The following BBS9 variants were observed in gnomAD, a reference collection of about 807,000 sequenced individuals.
BBS9 encodes the protein Bardet-Biedl syndrome 9.
In BBS9, 89 loss-of-function variants were observed where a neutral mutation model predicts 117.7. The ratio of observed to expected loss-of-function variants is 0.76; its 90% confidence interval spans 0.64 to 0.90. BBS9 has a LOEUF of 0.90. BBS9 is among the 40% of genes least tolerant of loss of function. BBS9 has a pLI of 0.00. For missense variants in BBS9, 982 were observed against 1,042.2 expected, an observed-to-expected ratio of 0.94 and a Z score of 0.80; for synonymous variants, 379 against 370.9, an observed-to-expected ratio of 1.02 and a Z score of -0.25.
At chr7:33,280,276 G>A (rs902635437) in intron 9 of BBS9, among the ~76,000 whole-genome samples, 2 of 152,042 alleles carry the variant, frequency 1.3e-5, no homozygotes, top group Non-Finnish European at 1.5e-5. Context: ...TCTGTCACCC[G>A]GGTAGTCAGC....
At chr7:33,137,561 A>AT (rs1233423975) in intron 1 of BBS9, among the ~76,000 whole-genome samples, 5 of 151,960 alleles carry the variant, frequency 3.3e-5, no homozygotes, top group South Asian at 4.2e-4. Flanking sequence ...AAATCCACCC[A>AT]TTTTTTTATC....
At chr7:33,265,511 TCA>T (rs1322337887) in intron 7 of BBS9, among the ~76,000 whole-genome samples, 1 of 152,174 alleles carries the variant, frequency 6.6e-6, no homozygotes, top group Non-Finnish European at 1.5e-5. Context: ...TTACTAAATC[TCA>T]GTTTCCTCAT....
intron 17 of BBS9, among the ~76,000 whole-genome samples, chr7:33,374,912 A>AC (rs1256512424): frequency 2.0e-5 from 3 of 151,854 alleles, no homozygotes; most frequent in African/African-American, 7.3e-5. Flanking sequence ...AAAAAAAAAA[A>AC]AAAAAAAAAA....
At chr7:33,547,815 A>G (rs982196859) in intron 21 of BBS9, among the ~76,000 whole-genome samples, 3 of 152,324 alleles carry the variant, frequency 2.0e-5, no homozygotes, top group Admixed American at 1.3e-4. Context: ...AAGTCAAGCT[A>G]TAGTTTATAA....
chr7:33,598,293 CA>C (rs1233652249), intron 21 of BBS9, among the ~76,000 whole-genome samples: 1 of 151,134 alleles, frequency 6.6e-6, no homozygotes, highest in Non-Finnish European at 1.5e-5. Flanking sequence ...GGACATCAGA[CA>C]AATTCCAATA....
intron 1 of BBS9, among the ~76,000 whole-genome samples, chr7:33,142,842 G>T (rs1791713821): frequency 6.6e-6 from 1 of 152,136 alleles, no homozygotes; most frequent in Non-Finnish European, 1.5e-5. Flanking sequence ...TGTTTAGGTT[G>T]GTTCTGCCTC....
chr7:33,473,439 T>G (rs1841369518), intron 19 of BBS9, among the ~76,000 whole-genome samples: 1 of 151,400 alleles, frequency 6.6e-6, no homozygotes, highest in African/African-American at 2.4e-5. Flanking sequence ...TTCTCCTGCC[T>G]CAGCCTCCCA....
chr7:33,240,690 T>A (rs1216565479), intron 5 of BBS9, among the ~76,000 whole-genome samples: 2 of 152,236 alleles, frequency 1.3e-5, no homozygotes, highest in Non-Finnish European at 2.9e-5. Flanking sequence ...TATAAATTAT[T>A]GTAATGCATA....
chr7:33,387,773 T>C (rs1367489852), intron 18 of BBS9, among the ~76,000 whole-genome samples: 2 of 152,248 alleles, frequency 1.3e-5, no homozygotes, highest in African/African-American at 4.8e-5. Flanking sequence ...CCAGTGATAC[T>C]GGTTAACTTT....
intron 4 of BBS9, among the ~76,000 whole-genome samples, chr7:33,172,731 C>T (rs1796776664): frequency 6.6e-6 from 1 of 152,156 alleles, no homozygotes; most frequent in Non-Finnish European, 1.5e-5. Context: ...AACAAATTTG[C>T]ATTTCTAAAA....
intron 1 of BBS9, among the ~76,000 whole-genome samples, chr7:33,130,708 A>AT (rs977094971): frequency 3.9e-5 from 6 of 152,076 alleles, no homozygotes; most frequent in East Asian, 1.9e-4. Context: ...AATTACTGAG[A>AT]TTTTTTTCAT....
intron 7 of BBS9, among the ~76,000 whole-genome samples, chr7:33,269,400 C>G (rs1413067607): frequency 6.6e-6 from 1 of 152,140 alleles, no homozygotes; most frequent in African/African-American, 2.4e-5. Flanking sequence ...GTCCACAGCT[C>G]TCCCATTTTG....
At chr7:33,236,816 ATACAT>A (rs1291060374) in intron 5 of BBS9, among the ~76,000 whole-genome samples, 5 of 152,066 alleles carry the variant, frequency 3.3e-5, no homozygotes, top group African/African-American at 1.2e-4. Context: ...ATTTTGAAAT[ATACAT>A]TACATTATTA....
In BBS9 at chr7:33,505,472, C is replaced by T; in HGVS notation, c.2125C>T (p.Leu709=). 1 of 1,614,118 alleles carries T rather than the reference C, an allele frequency of 6.2e-7. No homozygotes were observed. The highest frequency in any genetic ancestry group is 8.5e-7 in the Non-Finnish European group (1 of 1,179,956). ...TTTGTAATATCTGCAGGTAATTGCT[C>T]TAGCAGATGCAGTGGAGGAAAACCA... ...LDGTYKQVIA[L]ADAVEENQGN... is the part of the protein sequence containing the mutation. Residue 709 remains leucine, a synonymous_variant, in exon 20 of 23, where the codon CTA becomes TTA. Transcript: ENST00000242067.
At chr7:33,170,413 T>A (rs1303794232) in intron 4 of BBS9, among the ~76,000 whole-genome samples, 1 of 148,484 alleles carries the variant, frequency 6.7e-6, no homozygotes, top group African/African-American at 2.5e-5. Context: ...CCCTTCATGC[T>A]AAAAACTCTC....
At chr7:33,353,903 C>T (rs997796815) in intron 15 of BBS9, among the ~76,000 whole-genome samples, 6 of 151,746 alleles carry the variant, frequency 4.0e-5, no homozygotes, top group African/African-American at 1.5e-4. Flanking sequence ...AAAAAATAAC[C>T]TGATATTAAT....
chr7:33,537,335 T>C (rs2129064931), intron 21 of BBS9, among the ~76,000 whole-genome samples: 1 of 152,342 alleles, frequency 6.6e-6, no homozygotes, highest in South Asian at 2.1e-4. Context: ...GTCCAGAGTT[T>C]GAAAATCTTT....
intron 19 of BBS9, among the ~76,000 whole-genome samples, chr7:33,450,945 G>C (rs1837735904): frequency 6.6e-6 from 1 of 151,410 alleles, no homozygotes; most frequent in Admixed American, 6.6e-5. Flanking sequence ...CTGGAGTGCA[G>C]TGGCGCGATC....
intron 5 of BBS9, among the ~76,000 whole-genome samples, chr7:33,201,995 C>T (rs1441848839): frequency 6.6e-6 from 1 of 152,122 alleles, no homozygotes; most frequent in Non-Finnish European, 1.5e-5. Flanking sequence ...TTGTCTGCCT[C>T]CATAGTTGAG....
Sources: gnomAD v4.1 joint callset for allele counts (sites outside exome capture counted in the v4.1 genomes callset) on GRCh38, gnomAD v4.1.1 for gene constraint, MANE v1.5 for transcripts, NCBI Gene and HGNC (gene_info 2026-07-23, HGNC 2026-07-21) for gene names.